The following KATNAL2 variants were observed in gnomAD, a reference collection of about 807,000 sequenced individuals.
The protein encoded by KATNAL2 is katanin p60 ATPase-containing subunit A-like 2.
A neutral mutation model predicts 76.3 loss-of-function variants in KATNAL2; 52 were observed. The observed-to-expected ratio is 0.68, with a 90% CI of 0.55 to 0.86. KATNAL2 has a LOEUF of 0.86. Among genes scored for constraint, KATNAL2 ranks in the 40% least tolerant of loss-of-function variants. KATNAL2 has a pLI of 0.00. For synonymous variants in KATNAL2, 243 were observed against 244.2 expected, an observed-to-expected ratio of 1.00 and a Z score of 0.05; for missense variants, 660 against 668.9, an observed-to-expected ratio of 0.99 and a Z score of 0.15.
At chr18:46,920,156 G>C in intron 1 of KATNAL2, 2 of 1,051,846 alleles carry the variant, frequency 1.9e-6, no homozygotes, top group Admixed American at 4.6e-5. Flanking sequence ...ACTGCAAAGA[G>C]TTCTAGGTGC....
Position 47,100,354 on chromosome 18 carries a change from C to T in KATNAL2, c.1475C>T (p.Ser492Leu). ...TTTGATGCACTTGAAAATCACCAGT[C>T]AGGTATGGGTTGGATCACCATGAAG... ...KIFDALENHQ[S>L]ESSDLPRIQL... The change falls in exon 17 of 18, where the codon TCA becomes TTA. Residue 492 changes from serine to leucine, a missense_variant and splice_region_variant. Coordinates refer to ENST00000683218, the MANE Select transcript of KATNAL2 (RefSeq NM_001387690.1). The T allele has an allele frequency of 6.2e-7, 1 of 1,612,196 alleles. No homozygotes were observed. Among genetic ancestry groups the T allele is most frequent in the African/African-American group, 1.3e-5 (1 of 74,998 alleles).
Position 47,101,354 on chromosome 18 carries a change from G to A in KATNAL2, c.*349G>A, listed in dbSNP as rs1048344208. 1.3e-5 allele frequency: 3 copies of A among 233,882 alleles called. No individual in the cohort carries two copies. The highest frequency in any genetic ancestry group is 9.5e-5 in the East Asian group (1 of 10,576). The allele number at this position is 233,882 out of a possible 1,614,324, so 14.5% of individuals were successfully genotyped here. A position where few individuals can be genotyped will look rare whatever the true frequency, so the allele number is the denominator to read the frequency against. On this transcript the variant is annotated 3_prime_UTR_variant, in exon 18 of 18. Transcript: ENST00000683218. ...AAAAAGATGTACTTAGAAAAGTTGT[G>A]TTGGCCACACACAGGATGACCCTGA... is the stretch of plus-strand genomic sequence containing the variant.
At chr18:47,031,358 T>A (rs2060421449) in intron 3 of KATNAL2, among the ~76,000 whole-genome samples, 1 of 152,134 alleles carries the variant, frequency 6.6e-6, no homozygotes, top group Admixed American at 6.5e-5. Context: ...TTGTTTCTGC[T>A]GTCGTTGGCA....
At position 47,034,050 on chromosome 18, in the gene KATNAL2, A is replaced by G. The variant is rs200410999; in HGVS notation, c.52-12407A>G. On this transcript the variant is annotated intron_variant, in intron 3 of 17. Coordinates refer to ENST00000683218, the MANE Select transcript of KATNAL2 (RefSeq NM_001387690.1). ...CTTTCCTTTGTTTATCTCCAAGTGC[A>G]GTGGTGGCAGATTTTCCAGTCTTTT... 5.6e-6 allele frequency: 9 copies of G among 1,614,072 alleles called. No individual in the cohort carries two copies. The Admixed American group carries it at 1.3e-4, about 24-fold the overall frequency.
chr18:46,922,362 G>T (rs2058593856), intron 1 of KATNAL2, among the ~76,000 whole-genome samples: 2 of 151,976 alleles, frequency 1.3e-5, no homozygotes, highest in South Asian at 4.1e-4. Context: ...CTCCCAAAGT[G>T]CTAGGATTAC....
At chr18:46,918,336 A>C (rs778445931) in intron 1 of KATNAL2, among the ~76,000 whole-genome samples, 16 of 152,104 alleles carry the variant, frequency 1.1e-4, no homozygotes, top group Non-Finnish European at 1.9e-4. Flanking sequence ...TCTTTAAAAC[A>C]ATGTAACTTT....
intron 6 of KATNAL2, among the ~76,000 whole-genome samples, chr18:47,057,815 C>T (rs1025381833): frequency 6.6e-6 from 1 of 152,186 alleles, no homozygotes; most frequent in Non-Finnish European, 1.5e-5. Context: ...CCCTGGATTT[C>T]CTACTGTTTC....
intron 3 of KATNAL2, chr18:47,033,575 G>T (rs749997713): frequency 6.2e-7 from 1 of 1,614,176 alleles, no homozygotes; most frequent in Admixed American, 1.7e-5. Flanking sequence ...AGCTGATCGG[G>T]CCTCCACCCT....
At position 47,058,189 on chromosome 18, in the gene KATNAL2, A is replaced by G. The variant is rs753646672; in HGVS notation, c.333-46A>G. The G allele has an allele frequency of 4.8e-6, 6 of 1,248,110 alleles. No homozygotes were observed. In the African/African-American group the frequency reaches 8.9e-5, roughly 19 times the overall value. The allele number at this position is 1,248,110 out of a possible 1,614,324, so 77.3% of individuals were successfully genotyped here. A position where few individuals can be genotyped will look rare whatever the true frequency, so the allele number is the denominator to read the frequency against. On this transcript the variant is annotated intron_variant, in intron 6 of 17. Transcript: ENST00000683218. Reference sequence around the variant, plus strand: ...AATAGTTGTTTAACTACCTCAAATTAAGTGGCTAGAATAATTTCTTCCAAG... The same window carrying G: ...AATAGTTGTTTAACTACCTCAAATTGAGTGGCTAGAATAATTTCTTCCAAG...
rs1418204043 is a variant in KATNAL2 at position 47,069,564 on chromosome 18, C to T, written c.972C>T (p.Val324=). 1 of 1,613,672 alleles carries T rather than the reference C, an allele frequency of 6.2e-7. No individual in the cohort carries two copies. The highest frequency in any genetic ancestry group is 8.5e-7 in the Non-Finnish European group (1 of 1,179,846). The stretch of plus-strand genomic sequence containing the variant: ...TTAACATTTCTGCATCCACCATTGT[C>T]AGCAAATGGAGAGGGGATTCAGAAA... ...TFFNISASTI[V]SKWRGDSEKL... Residue 324 remains valine (V), a synonymous_variant, in exon 13 of 18, where the codon GTC becomes GTT. Transcript: ENST00000683218.
chr18:47,044,570 C>A lies in KATNAL2; in HGVS notation c.52-1887C>A, dbSNP rs189846837. On this transcript the variant is annotated intron_variant, in intron 3 of 17. Coordinates refer to ENST00000683218, the MANE Select transcript of KATNAL2 (RefSeq NM_001387690.1). ...AGTCAGGAGTTCGAGACCAGCCTGG[C>A]GAACATGGCAAAACCCTGTTTCTAC... Among the ~76,000 whole-genome samples the A allele has an allele frequency of 3.3e-5, 5 of 151,370 alleles. No homozygotes were observed. In the East Asian group the frequency reaches 5.9e-4, roughly 18 times the overall value.
At chr18:47,042,483 A>T (rs547243207) in intron 3 of KATNAL2, among the ~76,000 whole-genome samples, 1 of 152,344 alleles carries the variant, frequency 6.6e-6, no homozygotes, top group East Asian at 1.9e-4. Flanking sequence ...GCCTACTTAC[A>T]TTGCAAATAT....
chr18:46,952,561 G>A (rs1050083478), intron 3 of KATNAL2, among the ~76,000 whole-genome samples: 3 of 151,912 alleles, frequency 2.0e-5, no homozygotes, highest in Non-Finnish European at 4.4e-5. Flanking sequence ...CACCACGCCC[G>A]GCTAACTTTT....
rs142220825 is a variant in KATNAL2 at position 46,941,539 on chromosome 18, G to A, written c.-509-4518G>A. On this transcript the variant is annotated intron_variant, in intron 1 of 17. Coordinates refer to ENST00000683218, the MANE Select transcript of KATNAL2 (RefSeq NM_001387690.1). ...AGCAAAAAATAAAAATAAAAATAAA[G>A]TGCCTTGAGAAACAAATGGTAGGCT... Among the ~76,000 whole-genome samples the A allele has an allele frequency of 4.5e-4, 68 of 152,200 alleles. 2 individuals carry two copies. The East Asian group carries it at 0.011, about 25-fold the overall frequency.
chr18:46,934,394 G>C (rs1202012055), intron 1 of KATNAL2, among the ~76,000 whole-genome samples: 1 of 152,188 alleles, frequency 6.6e-6, no homozygotes, highest in Non-Finnish European at 1.5e-5. Flanking sequence ...TTCTCTGATG[G>C]TCAGTGATGA....
Position 47,046,511 on chromosome 18 carries a change from T to G in KATNAL2, c.106T>G (p.Tyr36Asp), listed in dbSNP as rs777287494. 6.5e-7 allele frequency: 1 copy of G among 1,535,276 alleles called. No homozygotes were observed. Among genetic ancestry groups the G allele is most frequent in the South Asian group, 1.2e-5 (1 of 84,034 alleles). The stretch of plus-strand genomic sequence containing the variant: ...AAATCTTCTCATTTTGATTTCGCAT[T>G]ATTTAACACAAGAAGGGTATGTTAC... Reference protein sequence around the residue: ...RKNLLILISHYLTQEGYIDTA... With the variant: ...RKNLLILISHDLTQEGYIDTA... Residue 36 changes from tyrosine (Y) to aspartate (D), a missense_variant, in exon 4 of 18, where the codon TAT becomes GAT. Physicochemically the swap from Tyr to Asp is radical, Grantham distance 160. Transcript: ENST00000683218.
At chr18:47,087,317 G>A (rs2062817296) in intron 15 of KATNAL2, among the ~76,000 whole-genome samples, 1 of 152,166 alleles carries the variant, frequency 6.6e-6, no homozygotes. Context: ...ATCAGTGATA[G>A]ACTGGATAAA....
At chr18:47,074,546 G>A (rs963409872) in intron 13 of KATNAL2, among the ~76,000 whole-genome samples, 1 of 152,044 alleles carries the variant, frequency 6.6e-6, no homozygotes, top group Admixed American at 6.6e-5. Flanking sequence ...AAAAATAAAG[G>A]TTTAGGTTGT....
intron 3 of KATNAL2, among the ~76,000 whole-genome samples, chr18:47,041,372 G>C (rs2164104): frequency 0.57 from 86,047 of 151,994 alleles, 24,444 homozygotes; most frequent in East Asian, 0.66. Context: ...CTTCCTCCCC[G>C]CAACCCCTGG....
Sources: gnomAD v4.1 joint callset for allele counts (sites outside exome capture counted in the v4.1 genomes callset) on GRCh38, gnomAD v4.1.1 for gene constraint, MANE v1.5 for transcripts, NCBI Gene and HGNC (gene_info 2026-07-23, HGNC 2026-07-21) for gene names.